Variants in SLC38A1 observed in about 807,000 individuals in gnomAD.
The protein encoded by SLC38A1 is sodium-coupled neutral amino acid symporter 1.
Under a neutral mutation model 60.3 loss-of-function variants are expected in SLC38A1, and 18 were observed. That is an observed-to-expected ratio of 0.30 (90% CI 0.21 to 0.44). SLC38A1 has a LOEUF of 0.44. Among genes scored for constraint, SLC38A1 ranks in the 20% least tolerant of loss-of-function variants. The pLI, the probability that SLC38A1 is intolerant of heterozygous loss-of-function variation, is 1.00. For missense variants in SLC38A1, 448 were observed against 587.2 expected, an observed-to-expected ratio of 0.76 and a Z score of 2.45; for synonymous variants, 196 against 212.1, an observed-to-expected ratio of 0.92 and a Z score of 0.66.
chr12:46,243,028 G>A (rs1185513083), intron 2 of SLC38A1, among the ~76,000 whole-genome samples, 172 bp downstream of exon 2: 2 of 151,494 alleles, frequency 1.3e-5, no homozygotes, highest in Non-Finnish European at 2.9e-5. Flanking sequence ...CATATTGTAA[G>A]CATTTTGAAG....
At chr12:46,229,359 T>C (rs2137920645) in intron 4 of SLC38A1, 91 bp from the exon 5 acceptor site, 4 of 900,678 alleles carry the variant, frequency 4.4e-6, no homozygotes, top group Middle Eastern at 4.4e-4. Context: ...CAGGAACCAA[T>C]ATGGAAGTAA....
intron 5 of SLC38A1, among the ~76,000 whole-genome samples, chr12:46,213,204 T>A (rs925963085): frequency 1.3e-5 from 2 of 152,204 alleles, no homozygotes; most frequent in African/African-American, 4.8e-5. Flanking sequence ...TCAGACATCT[T>A]TCTTCTTTCA....
chr12:46,235,589 A>C (rs772233367), intron 3 of SLC38A1, among the ~76,000 whole-genome samples: 5 of 152,204 alleles, frequency 3.3e-5, no homozygotes, highest in Non-Finnish European at 7.3e-5. Flanking sequence ...CAAGAGAAGA[A>C]TTTTCTGACA....
At chr12:46,198,225 A>G (rs1939477856) in intron 14 of SLC38A1, among the ~76,000 whole-genome samples, 165 bp from the exon 15 acceptor site, 2 of 152,122 alleles carry the variant, frequency 1.3e-5, no homozygotes, top group Admixed American at 1.3e-4. Flanking sequence ...CGGGGGCTTG[A>G]CTTAAGAGGG....
intron 3 of SLC38A1, among the ~76,000 whole-genome samples, chr12:46,236,667 G>C (rs1592129042): frequency 6.6e-6 from 1 of 152,132 alleles, no homozygotes; most frequent in South Asian, 2.1e-4. Flanking sequence ...TAGACACTAG[G>C]ATAGGCAGAA....
intron 11 of SLC38A1, 151 bp downstream of exon 11, chr12:46,204,150 G>A (rs1317040312): frequency 1.6e-6 from 1 of 643,862 alleles, no homozygotes; most frequent in Non-Finnish European, 2.8e-6. Flanking sequence ...TATTTCTCAA[G>A]GATCTCTACA....
At chr12:46,257,039 G>C (rs1051176491) in intron 1 of SLC38A1, among the ~76,000 whole-genome samples, 1 of 152,186 alleles carries the variant, frequency 6.6e-6, no homozygotes, top group Non-Finnish European at 1.5e-5. Flanking sequence ...GAAATGCTCA[G>C]GGAGGCCAGA....
At chr12:46,216,548 G>A (rs187433596) in intron 5 of SLC38A1, among the ~76,000 whole-genome samples, 1 of 152,276 alleles carries the variant, frequency 6.6e-6, no homozygotes, top group African/African-American at 2.4e-5. Context: ...GGTGAGGAAA[G>A]AGACACAGAA....
At chr12:46,199,545 A>T (rs1343159511) in intron 13 of SLC38A1, among the ~76,000 whole-genome samples, 1 of 144,722 alleles carries the variant, frequency 6.9e-6, no homozygotes, top group Non-Finnish European at 1.5e-5. Context: ...TTTTGTAGAG[A>T]TGGGGGTCTC....
intron 1 of SLC38A1, among the ~76,000 whole-genome samples, chr12:46,243,817 C>T (rs753102251): frequency 3.3e-5 from 5 of 152,188 alleles, no homozygotes; most frequent in Non-Finnish European, 5.9e-5. Context: ...TAGCACAGAA[C>T]ATTTCTGATC....
At chr12:46,262,962 T>C (rs1942243323) in intron 1 of SLC38A1, among the ~76,000 whole-genome samples, 1 of 152,192 alleles carries the variant, frequency 6.6e-6, no homozygotes, top group African/African-American at 2.4e-5. Flanking sequence ...TCTGAATTAA[T>C]GATTCTATAC....
chr12:46,199,602 A>C (rs973626734), intron 13 of SLC38A1, among the ~76,000 whole-genome samples: 97 of 150,336 alleles, frequency 6.5e-4, no homozygotes, highest in South Asian at 1.7e-3. Flanking sequence ...CAAGCTATCC[A>C]CCTACCTTGG....
intron 11 of SLC38A1, among the ~76,000 whole-genome samples, chr12:46,203,352 C>T (rs1258548032): frequency 1.3e-5 from 2 of 152,130 alleles, no homozygotes; most frequent in African/African-American, 4.8e-5. Context: ...GTATACAACA[C>T]CCCCTGTTTA....
chr12:46,252,118 G>GA (rs1010570743), intron 1 of SLC38A1, among the ~76,000 whole-genome samples: 8 of 152,284 alleles, frequency 5.3e-5, no homozygotes, highest in Non-Finnish European at 1.2e-4. Context: ...ACTGGATTAA[G>GA]AAAATGTGGC....
At chr12:46,261,750 TGCTTGGAATG>T (rs1193117703) in intron 1 of SLC38A1, among the ~76,000 whole-genome samples, 2 of 152,248 alleles carry the variant, frequency 1.3e-5, no homozygotes, top group African/African-American at 4.8e-5. Context: ...CCAGCCACTA[TGCTTGGAATG>T]TTTAAGAATT....
At chr12:46,198,486 T>C in intron 14 of SLC38A1, 139 bp downstream of exon 14, 2 of 591,292 alleles carry the variant, frequency 3.4e-6, no homozygotes, top group Non-Finnish European at 2.9e-6. Flanking sequence ...CTGAACCGAG[T>C]CTTGGGATCT....
intron 5 of SLC38A1, among the ~76,000 whole-genome samples, chr12:46,216,225 G>C (rs1332800396): frequency 6.6e-6 from 1 of 152,052 alleles, no homozygotes; most frequent in East Asian, 1.9e-4. Context: ...AATTATTCTA[G>C]GGGAAATACC....
intron 1 of SLC38A1, among the ~76,000 whole-genome samples, chr12:46,264,928 C>T (rs968384952): frequency 2.0e-5 from 3 of 152,260 alleles, no homozygotes; most frequent in South Asian, 2.1e-4. Context: ...TATATTCTCC[C>T]AGAGACTAAA....
At chr12:46,226,866 G>A (rs915343803) in intron 5 of SLC38A1, among the ~76,000 whole-genome samples, 3 of 151,886 alleles carry the variant, frequency 2.0e-5, no homozygotes, top group South Asian at 2.1e-4. Flanking sequence ...GTGATCCACC[G>A]GCCTCAGCCT....
Sources: allele counts gnomAD v4.1 joint callset (sites outside exome capture counted in the v4.1 genomes callset), GRCh38; gene constraint gnomAD v4.1.1; transcripts MANE v1.5; gene names NCBI Gene and HGNC (gene_info 2026-07-23, HGNC 2026-07-21).